The following SLC9A9 variants were observed in gnomAD, a reference collection of about 807,000 sequenced individuals.
SLC9A9 encodes the protein sodium/hydrogen exchanger 9.
Under a neutral mutation model 77.8 loss-of-function variants are expected in SLC9A9, and 62 were observed. That is an observed-to-expected ratio of 0.80 (90% CI 0.65 to 0.98). The LOEUF is 0.98. SLC9A9 is among the 50% of genes least tolerant of loss of function. The pLI, the probability that SLC9A9 is intolerant of heterozygous loss-of-function variation, is 0.00. For synonymous variants in SLC9A9, 320 were observed against 283.5 expected (o/e 1.13, Z -1.29); for missense variants, 775 against 774.9 (o/e 1.00, Z 0.00).
chr3:143,319,549 C>T (rs572411171), intron 14 of SLC9A9, among the ~76,000 whole-genome samples: 4 of 152,280 alleles, frequency 2.6e-5, no homozygotes, highest in East Asian at 1.9e-4. Flanking sequence ...ATCTTCCCCG[C>T]GTTTTCATCT....
chr3:143,324,078 G>A (rs2031502700), intron 14 of SLC9A9, among the ~76,000 whole-genome samples: 1 of 152,114 alleles, frequency 6.6e-6, no homozygotes. Context: ...GTCCCCCTGA[G>A]AAGAGGCAGC....
At position 143,734,078 on chromosome 3, in the gene SLC9A9, T is replaced by C. The variant is rs937064481; in HGVS notation, c.534-40771A>G. On this transcript the variant is annotated intron_variant, in intron 4 of 15. Transcript: ENST00000316549. ...TGGGTGTGGTGGTGCACACCTGTAG[T>C]CCCAGCTTCTCAGGAGGCTGAGATG... 2.6e-5 allele frequency among the ~76,000 whole-genome samples: 4 copies of C among 152,066 alleles called. No homozygotes were observed. The East Asian group carries it at 7.7e-4, about 29-fold the overall frequency.
At chr3:143,515,114 A>G (rs2036183899) in intron 9 of SLC9A9, among the ~76,000 whole-genome samples, 1 of 152,186 alleles carries the variant, frequency 6.6e-6, no homozygotes, top group Non-Finnish European at 1.5e-5. Context: ...GTTTTTGTGA[A>G]TAGGGAGGCC....
At chr3:143,415,485 T>A (rs767069231) in intron 12 of SLC9A9, among the ~76,000 whole-genome samples, 2 of 152,194 alleles carry the variant, frequency 1.3e-5, no homozygotes, top group African/African-American at 2.4e-5. Context: ...TTAAGAGTTA[T>A]GCTAAATTGA....
chr3:143,555,197 C>T (rs1306145562), intron 8 of SLC9A9, among the ~76,000 whole-genome samples: 1 of 152,094 alleles, frequency 6.6e-6, no homozygotes, highest in Non-Finnish European at 1.5e-5. Flanking sequence ...AAGGGGTTTC[C>T]CCTTTCACTT....
chr3:143,477,337 T>C (rs866702287), intron 11 of SLC9A9, among the ~76,000 whole-genome samples: 18 of 143,918 alleles, frequency 1.3e-4, no homozygotes, highest in South Asian at 4.6e-4. Context: ...TCAATTTTTT[T>C]TTTTTTTTTT....
intron 14 of SLC9A9, among the ~76,000 whole-genome samples, chr3:143,277,724 T>G (rs1938093839): frequency 6.6e-6 from 1 of 152,208 alleles, no homozygotes; most frequent in Non-Finnish European, 1.5e-5. Context: ...TTAGTGGCTT[T>G]CTGGTTAGAG....
chr3:143,517,059 T>C (rs1576548492), intron 9 of SLC9A9: 3 of 955,090 alleles, frequency 3.1e-6, no homozygotes, highest in African/African-American at 3.3e-5. Flanking sequence ...ATAAATAGCA[T>C]GTCAATTTCT....
At chr3:143,788,715 ATCTCT>A (rs2008130560) in intron 4 of SLC9A9, among the ~76,000 whole-genome samples, 3 of 146,274 alleles carry the variant, frequency 2.1e-5, no homozygotes, top group Non-Finnish European at 3.0e-5. Context: ...AAAAGACATC[ATCTCT>A]GATGATGTAT....
At position 143,791,938 on chromosome 3, in the gene SLC9A9, C is replaced by A. The variant is rs74723059; in HGVS notation, c.533+3063G>T. Among the ~76,000 whole-genome samples the A allele has an allele frequency of 1.4e-3, 216 of 152,278 alleles. 3 individuals are homozygous for A. The East Asian group carries it at 0.031, about 22-fold the overall frequency. ...GAATATTGATTGATTTATACAATTTCATTTTTTTGGTGCTAATATTCAACA... is the reference window on the plus strand; with the variant it reads ...GAATATTGATTGATTTATACAATTTAATTTTTTTGGTGCTAATATTCAACA... On this transcript the variant is annotated intron_variant, in intron 4 of 15. Coordinates refer to ENST00000316549, the MANE Select transcript of SLC9A9 (RefSeq NM_173653.4).
At chr3:143,589,922 T>G (rs1166907164) in intron 6 of SLC9A9, among the ~76,000 whole-genome samples, 3 of 151,358 alleles carry the variant, frequency 2.0e-5, no homozygotes, top group African/African-American at 7.3e-5. Context: ...CTCTTGGAAG[T>G]TGAAAATTTC....
intron 12 of SLC9A9, among the ~76,000 whole-genome samples, chr3:143,443,249 A>C (rs10222419): frequency 0.26 from 39,967 of 151,890 alleles, 5,358 homozygotes; most frequent in Non-Finnish European, 0.3. Context: ...GTCTCACCAC[A>C]TGTTTTCCAT....
intron 12 of SLC9A9, among the ~76,000 whole-genome samples, chr3:143,455,768 T>C (rs928906220): frequency 4.6e-5 from 7 of 151,948 alleles, no homozygotes; most frequent in African/African-American, 1.4e-4. Flanking sequence ...CCATGTATCC[T>C]ACAACCTAAA....
intron 8 of SLC9A9, among the ~76,000 whole-genome samples, chr3:143,556,220 C>T (rs187911500): frequency 6.6e-6 from 1 of 152,314 alleles, no homozygotes; most frequent in Admixed American, 6.5e-5. Context: ...CTCTTAAACT[C>T]TATGAACCTC....
chr3:143,346,754 T>A (rs946530721), intron 14 of SLC9A9, among the ~76,000 whole-genome samples: 1 of 151,964 alleles, frequency 6.6e-6, no homozygotes, highest in Non-Finnish European at 1.5e-5. Context: ...GATAGTGCCA[T>A]TGCACTCCAG....
intron 6 of SLC9A9, among the ~76,000 whole-genome samples, chr3:143,609,613 C>T (rs2037985783): frequency 6.6e-6 from 1 of 152,112 alleles, no homozygotes; most frequent in Non-Finnish European, 1.5e-5. Context: ...AGTCCCACTT[C>T]CAGACCTAAA....
In SLC9A9 at chr3:143,827,030, G is replaced by T. The variant is rs79459377; in HGVS notation, c.378+4989C>A. Among the ~76,000 whole-genome samples the T allele has an allele frequency of 8.2e-3, 1,251 of 152,258 alleles. 14 individuals carry two copies. Among genetic ancestry groups the T allele is most frequent in the African/African-American group, 0.029 (1,195 of 41,536 alleles). ...TCAGAATTGAAATTGATAGGACTCA[G>T]TTCATTTGTGTTGAAAGAATAAATG... On this transcript the variant is annotated intron_variant, in intron 2 of 15. Transcript: ENST00000316549.
At chr3:143,742,363 C>T (rs1005514753) in intron 4 of SLC9A9, among the ~76,000 whole-genome samples, 8 of 152,176 alleles carry the variant, frequency 5.3e-5, no homozygotes, top group African/African-American at 1.4e-4. Flanking sequence ...CCCACACAGC[C>T]GGCTCTGCGT....
At chr3:143,323,443 C>A (rs779407771) in intron 14 of SLC9A9, among the ~76,000 whole-genome samples, 5 of 152,120 alleles carry the variant, frequency 3.3e-5, no homozygotes, top group Non-Finnish European at 7.4e-5. Context: ...TGGAGGTCAT[C>A]ATCTTAAGTG....
Sources: gnomAD v4.1 joint callset for allele counts (sites outside exome capture counted in the v4.1 genomes callset) on GRCh38, gnomAD v4.1.1 for gene constraint, MANE v1.5 for transcripts, NCBI Gene and HGNC (gene_info 2026-07-23, HGNC 2026-07-21) for gene names.